The following GRIP2 variants were observed in gnomAD, a reference collection of about 807,000 sequenced individuals.
The protein encoded by GRIP2 is glutamate receptor-interacting protein 2.
GRIP2 carries 58 observed loss-of-function variants against 108.3 expected under a neutral mutation model. The observed-to-expected ratio is 0.54, with a 90% CI of 0.43 to 0.67. The LOEUF is 0.67. GRIP2 is among the 30% of genes least tolerant of loss of function. The probability of loss-of-function intolerance (pLI) is 0.00; values close to 1 mark genes in which losing one functional copy is unlikely to be tolerated. For missense variants in GRIP2, 1,278 were observed against 1,430.6 expected (o/e 0.89, Z 1.72); for synonymous variants, 586 against 598.2 (o/e 0.98, Z 0.30).
In GRIP2 at chr3:14,512,553, G is replaced by A. The variant is rs986045650; in HGVS notation, c.1720+224C>T. Among the ~76,000 whole-genome samples the A allele has an allele frequency of 6.6e-6, 1 of 152,192 alleles. No individual in the cohort carries two copies. Among genetic ancestry groups the A allele is most frequent in the Non-Finnish European group, 1.5e-5 (1 of 68,040 alleles). On this transcript the variant is annotated intron_variant, in intron 14 of 23. Coordinates refer to ENST00000621039, the MANE Select transcript of GRIP2 (RefSeq NM_001080423.4). This position sits in a 1 kb window ranked among gnomAD's most constrained non-coding sequence, Gnocchi z 5.1. ...CCCTGGGAGACCCACGAGGCCAGGG[G>A]ACTGCCATGGTGCAGAACGGGAAGC... is the stretch of plus-strand genomic sequence containing the variant.
chr3:14,568,865 A>G, the GRIP2 span, among the ~76,000 whole-genome samples: 2 of 152,226 alleles, frequency 1.3e-5, no homozygotes, highest in African/African-American at 4.8e-5. Flanking sequence ...CCGTGCAGTC[A>G]GACAACCGAG....
chr3:14,579,883 C>T, the GRIP2 span, among the ~76,000 whole-genome samples: 2 of 152,222 alleles, frequency 1.3e-5, no homozygotes, highest in Admixed American at 6.5e-5. Context: ...GCAGCCAGAA[C>T]CCCACATCCT....
At chr3:14,590,610 C>T in the GRIP2 span, among the ~76,000 whole-genome samples, 1 of 152,200 alleles carries the variant, frequency 6.6e-6, no homozygotes, top group African/African-American at 2.4e-5. Context: ...TCAGGGGTCG[C>T]CCTGCCTCCA....
At chr3:14,527,432 AGGG>A (rs1694591231) in intron 1 of GRIP2, among the ~76,000 whole-genome samples, 2 of 123,862 alleles carry the variant, frequency 1.6e-5, no homozygotes, top group South Asian at 2.9e-4. Flanking sequence ...AGGGGAGGGG[AGGG>A]GAGGGAAGAG....
chr3:14,513,482 T>G (rs1694156850), intron 13 of GRIP2, among the ~76,000 whole-genome samples, 183 bp downstream of exon 13: 1 of 152,202 alleles, frequency 6.6e-6, no homozygotes, highest in South Asian at 2.1e-4. Flanking sequence ...AGTCTCCTGG[T>G]GTGGAAACTT....
At chr3:14,598,116 C>CACAA in the GRIP2 span, among the ~76,000 whole-genome samples, 1 of 152,142 alleles carries the variant, frequency 6.6e-6, no homozygotes, top group African/African-American at 2.4e-5. Flanking sequence ...CAAACACAAA[C>CACAA]ACAAACACAC....
At chr3:14,523,164 A>G (rs940715627) in intron 5 of GRIP2, 89 bp from the exon 6 acceptor site, 3 of 962,148 alleles carry the variant, frequency 3.1e-6, no homozygotes, top group Admixed American at 4.7e-5. Flanking sequence ...GGCTCCTTCA[A>G]TAAAACCTGT....
Position 14,512,357 on chromosome 3 carries a change from G to A in GRIP2, c.1720+420C>T, listed in dbSNP as rs561804522. Among the ~76,000 whole-genome samples the A allele has an allele frequency of 6.6e-5, 10 of 152,318 alleles. No individual in the cohort carries two copies. In the East Asian group the frequency reaches 7.7e-4, roughly 12 times the overall value. Reference sequence around the variant, plus strand: ...CCTTTCCCATGCTCACCCATTCTACGTTTTTCTTCTGCATTCCTCATTTTC... The same window carrying A: ...CCTTTCCCATGCTCACCCATTCTACATTTTTCTTCTGCATTCCTCATTTTC... On this transcript the variant is annotated intron_variant, in intron 14 of 23. Transcript: ENST00000621039. This position sits in a 1 kb window ranked among gnomAD's most constrained non-coding sequence, Gnocchi z 5.1.
Position 14,538,411 on chromosome 3 carries a change from C to G in GRIP2, c.40+1858G>C, listed in dbSNP as rs539704334. On this transcript the variant is annotated intron_variant, in intron 1 of 23. Coordinates refer to ENST00000621039, the MANE Select transcript of GRIP2 (RefSeq NM_001080423.4). Reference sequence around the variant, plus strand: ...CTCTCTTTCCTTAGGGATGACTGAGCTGGTTGACCTTAAGTTTGAAGGTGC... The same window carrying G: ...CTCTCTTTCCTTAGGGATGACTGAGGTGGTTGACCTTAAGTTTGAAGGTGC... Among the ~76,000 whole-genome samples the G allele has an allele frequency of 7.9e-5, 12 of 152,306 alleles. No homozygotes were observed. In the East Asian group the frequency reaches 2.3e-3, roughly 29 times the overall value.
At chr3:14,562,679 A>G in the GRIP2 span, among the ~76,000 whole-genome samples, 1 of 152,356 alleles carries the variant, frequency 6.6e-6, no homozygotes, top group Admixed American at 6.5e-5. Context: ...CTAGTGAAAT[A>G]AAGGATCCAG....
the GRIP2 span, among the ~76,000 whole-genome samples, chr3:14,572,528 C>T: frequency 2.2e-5 from 3 of 134,432 alleles, no homozygotes; most frequent in Non-Finnish European, 3.1e-5. Flanking sequence ...AGGAGAATGG[C>T]GTGAACCCGG....
chr3:14,517,071 CTT>C lies in GRIP2; in HGVS notation c.1297_1298del (p.Lys433GlufsTer60), dbSNP rs1375193235. On this transcript the variant is annotated frameshift_variant, in exon 11 of 24. Coordinates refer to ENST00000621039, the MANE Select transcript of GRIP2 (RefSeq NM_001080423.4). LOFTEE classifies it high-confidence loss of function. ...GAAGAGACCACAGCTTACACGAGCT[CTT>C]GTGTTCCCTTCTTCGCTGCCTCCTC... ...GRRRQRRREH[K>X]SSLSLASSTV... 6.3e-7 allele frequency: 1 copy of C among 1,579,570 alleles called. No individual in the cohort carries two copies. Among genetic ancestry groups the C allele is most frequent in the South Asian group, 1.2e-5 (1 of 85,324 alleles).
At chr3:14,577,153 C>A in the GRIP2 span, among the ~76,000 whole-genome samples, 1 of 152,324 alleles carries the variant, frequency 6.6e-6, no homozygotes, top group South Asian at 2.1e-4. Context: ...ATTCATCTGT[C>A]AATTTTTAGA....
chr3:14,542,723 C>T (rs1482634141), upstream of GRIP2, among the ~76,000 whole-genome samples: 1 of 152,190 alleles, frequency 6.6e-6, no homozygotes, highest in African/African-American at 2.4e-5. Flanking sequence ...TCCCCTTTGC[C>T]CTCTGTCCTC....
intron 1 of GRIP2, among the ~76,000 whole-genome samples, chr3:14,528,277 T>C (rs947613405): frequency 6.6e-6 from 1 of 152,256 alleles, no homozygotes. Flanking sequence ...TTGCATCCAA[T>C]GGATATACCA....
At chr3:14,526,263 G>A (rs1694551974) in intron 1 of GRIP2, among the ~76,000 whole-genome samples, 1 of 152,176 alleles carries the variant, frequency 6.6e-6, no homozygotes, top group Non-Finnish European at 1.5e-5. Flanking sequence ...AGGAAGCTGG[G>A]GCTCAGAGAA....
chr3:14,503,570 A>G lies in GRIP2; in HGVS notation c.2675T>C (p.Leu892Pro), dbSNP rs1472444558. ...CTGCAGGGCAGGCAGCCATACCTCC[A>G]GTTCCCTCAGCAGCTCTGACTGACC... ...SCGQSELLRE[L>P]EASIMTGTVQ... The change falls in exon 21 of 24, where the codon CTG becomes CCG. Residue 892 changes from leucine to proline, a missense_variant. Coordinates refer to ENST00000621039, the MANE Select transcript of GRIP2 (RefSeq NM_001080423.4). 1 of 1,608,348 alleles carries G rather than the reference A, an allele frequency of 6.2e-7. No individual in the cohort carries two copies. Among genetic ancestry groups the G allele is most frequent in the Admixed American group, 1.7e-5 (1 of 59,498 alleles).
chr3:14,576,514 G>A, the GRIP2 span, among the ~76,000 whole-genome samples: 1 of 152,236 alleles, frequency 6.6e-6, no homozygotes, highest in Non-Finnish European at 1.5e-5. Context: ...AGAGAGGCCT[G>A]GTGCTGGGCC....
intron 17 of GRIP2, among the ~76,000 whole-genome samples, chr3:14,509,485 T>TC (rs1694023196): frequency 6.6e-6 from 1 of 152,162 alleles, no homozygotes; most frequent in Non-Finnish European, 1.5e-5. Context: ...CACTGCCCCA[T>TC]CCTATTCCGC....
Sources: allele counts gnomAD v4.1 joint callset (sites outside exome capture counted in the v4.1 genomes callset), GRCh38; gene constraint gnomAD v4.1.1; non-coding constraint Gnocchi (gnomAD v3.1); transcripts MANE v1.5; gene names NCBI Gene and HGNC (gene_info 2026-07-23, HGNC 2026-07-21).